ZFPM2: variants seen among roughly 807,000 people sequenced by gnomAD.
ZFPM2 encodes zinc finger protein ZFPM2.
ZFPM2 carries 20 observed loss-of-function variants against 98.6 expected under a neutral mutation model. The ratio of observed to expected loss-of-function variants is 0.20; its 90% CI spans 0.14 to 0.29. ZFPM2 has a LOEUF of 0.29. Ranked by LOEUF, ZFPM2 falls within the 10% of genes least tolerant of loss-of-function variation. The probability of loss-of-function intolerance (pLI) is 1.00; values close to 1 mark genes in which losing one functional copy is unlikely to be tolerated. For missense variants in ZFPM2, 1,310 were observed against 1,388.6 expected, an observed-to-expected ratio of 0.94 and a Z score of 0.90; for synonymous variants, 518 against 502.7, an observed-to-expected ratio of 1.03 and a Z score of -0.41.
At chr8:105,445,350 A>G (rs373231991) in intron 3 of ZFPM2, among the ~76,000 whole-genome samples, 3 of 152,202 alleles carry the variant, frequency 2.0e-5, no homozygotes, top group African/African-American at 7.2e-5. Context: ...TATTCTGTAT[A>G]CTATAACATA....
At chr8:105,419,075 TATTTA>T (rs1811740250) in intron 1 of ZFPM2, 64 bp from the exon 2 acceptor site, 5 of 1,493,760 alleles carry the variant, frequency 3.3e-6, no homozygotes. Context: ...AAAAAGGCTC[TATTTA>T]AGGATTTTAT....
At chr8:105,399,071 A>G (rs950470016) in intron 1 of ZFPM2, among the ~76,000 whole-genome samples, 5 of 152,130 alleles carry the variant, frequency 3.3e-5, no homozygotes, top group African/African-American at 4.8e-5. Context: ...AAGAGGGTTG[A>G]TGTGCCAAGA....
intron 5 of ZFPM2, among the ~76,000 whole-genome samples, chr8:105,635,384 C>G (rs536943173): frequency 6.6e-6 from 1 of 152,066 alleles, no homozygotes; most frequent in East Asian, 1.9e-4. Context: ...AATTTGTACA[C>G]TTATAAGAGG....
chr8:105,464,271 A>T (rs562384515), intron 3 of ZFPM2, among the ~76,000 whole-genome samples: 30 of 152,164 alleles, frequency 2.0e-4, no homozygotes, highest in African/African-American at 5.8e-4. Context: ...ACCACATTTG[A>T]TGCTTTCTAT....
chr8:105,737,138 T>A (rs1394375703), intron 5 of ZFPM2: 2 of 152,040 alleles, frequency 1.3e-5, no homozygotes, highest in African/African-American at 4.8e-5. Flanking sequence ...CAAGGGAGTT[T>A]GTGTGCATGA....
chr8:105,571,290 G>T lies in ZFPM2; in HGVS notation c.420+9809G>T, dbSNP rs116808156. Among the ~76,000 whole-genome samples, 562 of 152,292 alleles carry T rather than the reference G, an allele frequency of 3.7e-3. 5 individuals are homozygous for T. Among genetic ancestry groups the T allele is most frequent in the African/African-American group, 0.013 (541 of 41,560 alleles). On this transcript the variant is annotated intron_variant, in intron 4 of 7. Transcript: ENST00000407775. ...CAAAAACAGAATCATGAAGGCCTAA[G>T]GTGGAAGTGGGTGGATATATAGCAT...
At position 105,552,600 on chromosome 8, in the gene ZFPM2, A is replaced by C. The variant is rs548016569; in HGVS notation, c.302-8763A>C. ...ACTTTTCCGAACATTTGCAAGAGCT[A>C]GTCACACTCCAGGTGAATATTTTCA... On this transcript the variant is annotated intron_variant, in intron 3 of 7. Coordinates refer to ENST00000407775, the MANE Select transcript of ZFPM2 (RefSeq NM_012082.4). Among the ~76,000 whole-genome samples the C allele has an allele frequency of 1.7e-3, 263 of 152,208 alleles. 1 individual carries two copies. The highest frequency in any genetic ancestry group is 6.1e-3 in the African/African-American group (252 of 41,534).
At chr8:105,645,426 A>G (rs572692094) in intron 5 of ZFPM2, among the ~76,000 whole-genome samples, 3 of 152,162 alleles carry the variant, frequency 2.0e-5, no homozygotes, top group Non-Finnish European at 2.9e-5. Context: ...GGGAAGGGAT[A>G]TGTCCTGTGC....
intron 3 of ZFPM2, among the ~76,000 whole-genome samples, chr8:105,504,863 A>G (rs1224708642): frequency 6.6e-6 from 1 of 152,314 alleles, no homozygotes; most frequent in Admixed American, 6.5e-5. Flanking sequence ...ACCTAATTGT[A>G]TTTCCCATAA....
intron 2 of ZFPM2, among the ~76,000 whole-genome samples, chr8:105,437,733 G>T (rs1812154551): frequency 6.6e-6 from 1 of 152,068 alleles, no homozygotes; most frequent in Non-Finnish European, 1.5e-5. Context: ...GAAGGTGGCT[G>T]CCATTTTTAA....
rs1222599920 is a variant in ZFPM2, at chr8:105,318,535, C to T, written c.-407C>T. Among the ~76,000 whole-genome samples the T allele has an allele frequency of 7.3e-5, 11 of 150,662 alleles. No homozygotes were observed. The East Asian group carries it at 1.4e-3, about 19-fold the overall frequency. ...GCGAGCGAGCGCGCTCCTCCTCCCG[C>T]GCCCTGCGCCCCCGCGCTCCCCCTC... On this transcript the variant is annotated 5_prime_UTR_variant, in exon 1 of 8. Coordinates refer to ENST00000407775, the MANE Select transcript of ZFPM2 (RefSeq NM_012082.4).
intron 5 of ZFPM2, among the ~76,000 whole-genome samples, chr8:105,746,654 A>ATTTTTTTTTT (rs1563546914): frequency 2.7e-5 from 3 of 112,054 alleles, no homozygotes; most frequent in Non-Finnish European, 3.7e-5. Context: ...TGTTTTTAAA[A>ATTTTTTTTTT]ATTTTTTTTT....
At chr8:105,330,923 G>A (rs1254305552) in intron 1 of ZFPM2, among the ~76,000 whole-genome samples, 3 of 150,558 alleles carry the variant, frequency 2.0e-5, no homozygotes, top group African/African-American at 4.9e-5. Flanking sequence ...TTTTAAGGCA[G>A]TGTCACAATT....
intron 1 of ZFPM2, among the ~76,000 whole-genome samples, chr8:105,326,849 T>C (rs943858713): frequency 6.7e-6 from 1 of 150,316 alleles, no homozygotes; most frequent in East Asian, 1.9e-4. Context: ...CTCATAAATA[T>C]ATATATATAT....
chr8:105,319,224 C>T (rs548695005), intron 1 of ZFPM2, among the ~76,000 whole-genome samples: 1 of 152,294 alleles, frequency 6.6e-6, no homozygotes, highest in Admixed American at 6.5e-5. Flanking sequence ...CCCGCTCAGC[C>T]CTCGCGCTCC....
chr8:105,528,873 A>T, intron 3 of ZFPM2: 1 of 152,174 alleles, frequency 6.6e-6, no homozygotes, highest in East Asian at 1.9e-4. Context: ...CCAGAACTCT[A>T]AGCCAGCCCC....
chr8:105,607,127 C>T (rs767298395), intron 4 of ZFPM2, among the ~76,000 whole-genome samples: 6 of 152,218 alleles, frequency 3.9e-5, no homozygotes, highest in Middle Eastern at 3.4e-3. Flanking sequence ...CTCTCCTCTT[C>T]GGCCATTCCT....
chr8:105,494,185 A>ATATATATATATATATATATG, intron 3 of ZFPM2, among the ~76,000 whole-genome samples: 1 of 25,296 alleles, frequency 4.0e-5, no homozygotes, highest in Non-Finnish European at 8.4e-5. Context: ...CACCAAAAGT[A>ATATATATATATATATATATG]TATATATATA....
chr8:105,614,585 T>A (rs189074891), intron 4 of ZFPM2, among the ~76,000 whole-genome samples: 322 of 152,270 alleles, frequency 2.1e-3, no homozygotes, highest in Non-Finnish European at 3.3e-3. Flanking sequence ...TCAGAAATAG[T>A]CTGAAGCAGC....
Sources: gnomAD v4.1 joint callset for allele counts (sites outside exome capture counted in the v4.1 genomes callset) on GRCh38, gnomAD v4.1.1 for gene constraint, MANE v1.5 for transcripts, NCBI Gene and HGNC (gene_info 2026-07-23, HGNC 2026-07-21) for gene names.